The following USP12 variants were observed in gnomAD, a reference collection of about 807,000 sequenced individuals.
The protein encoded by USP12 is ubiquitin specific peptidase 12.
A neutral mutation model predicts 45.5 loss-of-function variants in USP12; 19 were observed. The ratio of observed to expected loss-of-function variants is 0.42; its 90% CI spans 0.29 to 0.61. USP12 has a LOEUF of 0.61. USP12 is among the 20% of genes least tolerant of loss of function. USP12 has a pLI of 0.22. For synonymous variants in USP12, 149 were observed against 148.8 expected, an observed-to-expected ratio of 1.00 and a Z score of -0.01; for missense variants, 242 against 447.7, an observed-to-expected ratio of 0.54 and a Z score of 4.15.
chr13:27,105,978 A>T, intron 2 of USP12, 34 bp from the exon 3 acceptor site: 1 of 1,550,870 alleles, frequency 6.4e-7, no homozygotes, highest in Non-Finnish European at 8.7e-7. Context: ...TGTTAAATTT[A>T]GGGCAACACA....
At chr13:27,149,972 C>T (rs1219100158) in intron 1 of USP12, among the ~76,000 whole-genome samples, 2 of 152,254 alleles carry the variant, frequency 1.3e-5, no homozygotes, top group East Asian at 1.9e-4. Context: ...TTCTGCTGTA[C>T]AGCCCGGTTC....
Position 27,129,478 on chromosome 13 carries a change from C to T in USP12, c.49-12882G>A, listed in dbSNP as rs1404201470. ...GTGGTTCATGCCCATAATACCAGCA[C>T]TTTGGGAAGTCAGAGCAGGAGGACT... On this transcript the variant is annotated intron_variant, in intron 1 of 8. Transcript: ENST00000282344. This position sits in a 1 kb window ranked among gnomAD's most constrained non-coding sequence, Gnocchi z 4.0. 3.3e-5 allele frequency among the ~76,000 whole-genome samples: 5 copies of T among 152,154 alleles called. No homozygotes were observed. The highest frequency in any genetic ancestry group is 3.3e-4 in the Admixed American group (5 of 15,284).
rs546232427 is a variant in USP12, at chr13:27,078,803, C to CA, written c.735-3416dup. Reference sequence around the variant, plus strand: ...ATCTTTAACAGACTTCTCTCACTAACAAAAAAAATCAGTAAGGATAGGAAA... The same window carrying CA: ...ATCTTTAACAGACTTCTCTCACTAACAAAAAAAAATCAGTAAGGATAGGAAA... On this transcript the variant is annotated intron_variant, in intron 6 of 8. Coordinates refer to ENST00000282344, the MANE Select transcript of USP12 (RefSeq NM_182488.4). 6.6e-5 allele frequency among the ~76,000 whole-genome samples: 10 copies of CA among 151,806 alleles called. No individual in the cohort carries two copies. In the East Asian group the frequency reaches 9.7e-4, roughly 15 times the overall value.
chr13:27,151,567 G>T (rs1033126867), intron 1 of USP12, among the ~76,000 whole-genome samples: 1 of 151,962 alleles, frequency 6.6e-6, no homozygotes, highest in Non-Finnish European at 1.5e-5. Flanking sequence ...GGATCCCGAG[G>T]GCCAGGAGTT....
intron 1 of USP12, among the ~76,000 whole-genome samples, chr13:27,120,357 T>A (rs962128254): frequency 3.2e-4 from 49 of 152,280 alleles, no homozygotes; most frequent in African/African-American, 1.2e-3. Flanking sequence ...GATGGTGAGT[T>A]AAGTTCTGCT....
At chr13:27,069,603 G>A (rs1873146062) in intron 8 of USP12, among the ~76,000 whole-genome samples, 1 of 152,114 alleles carries the variant, frequency 6.6e-6, no homozygotes, top group South Asian at 2.1e-4. Context: ...CTACTTCTAG[G>A]TACAGGATGA....
At chr13:27,152,154 CAT>C (rs1260086604) in intron 1 of USP12, among the ~76,000 whole-genome samples, 1 of 152,182 alleles carries the variant, frequency 6.6e-6, no homozygotes, top group South Asian at 2.1e-4. Flanking sequence ...GAAAACAAAA[CAT>C]ATGTCCATAA....
At chr13:27,070,910 G>A (rs939580224) in intron 8 of USP12, among the ~76,000 whole-genome samples, 161 bp downstream of exon 8, 4 of 152,174 alleles carry the variant, frequency 2.6e-5, no homozygotes, top group South Asian at 2.1e-4. Context: ...GCTGGGCTTG[G>A]ACGTTGCAGA....
chr13:27,085,303 CCA>C (rs1014115800), intron 6 of USP12, among the ~76,000 whole-genome samples: 3 of 152,008 alleles, frequency 2.0e-5, no homozygotes, highest in African/African-American at 7.2e-5. Context: ...GCCTTAGCCT[CCA>C]GAGTAGCTGG....
chr13:27,105,780 A>C lies in USP12; in HGVS notation c.294T>G (p.Val98=), dbSNP rs1445161127. The change falls in exon 3 of 9, where the codon GTT becomes GTG. Residue 98 remains valine, a synonymous_variant. Coordinates refer to ENST00000282344, the MANE Select transcript of USP12 (RefSeq NM_182488.4). ...FHSIATQKKK[V]GVIPPKKFIT... is the part of the protein sequence containing the mutation. ...TGAACTTCTTAGGGGGTATTACTCC[A>C]ACCTTTTTCTTCTGAGTGGCTATGC... is the stretch of plus-strand genomic sequence containing the variant. 3 of 1,613,840 alleles carry C rather than the reference A, an allele frequency of 1.9e-6. No homozygotes were observed. Among genetic ancestry groups the C allele is most frequent in the Non-Finnish European group, 2.5e-6 (3 of 1,179,792 alleles).
At chr13:27,150,475 C>T (rs920366310) in intron 1 of USP12, among the ~76,000 whole-genome samples, 1 of 152,156 alleles carries the variant, frequency 6.6e-6, no homozygotes, top group Non-Finnish European at 1.5e-5. Flanking sequence ...ATACCATGTT[C>T]ACAGACTGGA....
At chr13:27,110,127 T>TTTAAAAAA (rs9319342) in intron 2 of USP12, among the ~76,000 whole-genome samples, 1 of 119,620 alleles carries the variant, frequency 8.4e-6, no homozygotes, top group Non-Finnish European at 1.7e-5. Context: ...CTTTTCCAGG[T>TTTAAAAAA]AAAAAAAAAA....
chr13:27,168,104 G>T lies in USP12; in HGVS notation c.48+3488C>A, dbSNP rs541092450. On this transcript the variant is annotated intron_variant, in intron 1 of 8. Transcript: ENST00000282344. ...AGGCTTTCTCAGAAGAAAAGCCCGT[G>T]GGACTCTCCTAGCACCTACCTTTAC... 4.9e-4 allele frequency among the ~76,000 whole-genome samples: 75 copies of T among 152,286 alleles called. 1 individual carries two copies. Among genetic ancestry groups the T allele is most frequent in the South Asian group, 3.9e-3 (19 of 4,820 alleles).
intron 6 of USP12, among the ~76,000 whole-genome samples, chr13:27,088,287 G>A (rs1406255192): frequency 6.6e-6 from 1 of 151,984 alleles, no homozygotes; most frequent in Non-Finnish European, 1.5e-5. Context: ...GTGGTGGCGG[G>A]CGCCTGTAGT....
intron 1 of USP12, among the ~76,000 whole-genome samples, chr13:27,163,853 C>A (rs1317029543): frequency 1.3e-5 from 2 of 151,630 alleles, no homozygotes; most frequent in Non-Finnish European, 2.9e-5. Context: ...AAGGGACTGG[C>A]TAAGGGTCTC....
chr13:27,082,787 G>T (rs61393785), intron 6 of USP12, among the ~76,000 whole-genome samples: 4,575 of 152,224 alleles, frequency 0.03, 108 homozygotes, highest in African/African-American at 0.063. Flanking sequence ...GGTAGGAGGG[G>T]GAAAACGTCA....
At chr13:27,149,816 G>A (rs888036267) in intron 1 of USP12, among the ~76,000 whole-genome samples, 1 of 152,200 alleles carries the variant, frequency 6.6e-6, no homozygotes, top group Admixed American at 6.5e-5. Context: ...AGATCACCAG[G>A]CATTAGATTC....
At chr13:27,149,622 T>A (rs1877480655) in intron 1 of USP12, among the ~76,000 whole-genome samples, 1 of 152,036 alleles carries the variant, frequency 6.6e-6, no homozygotes. Context: ...AGGCTGCAGA[T>A]GTGGGGGGTG....
chr13:27,094,867 G>A (rs1874496409), intron 4 of USP12, among the ~76,000 whole-genome samples: 1 of 152,114 alleles, frequency 6.6e-6, no homozygotes, highest in African/African-American at 2.4e-5. Flanking sequence ...AACATGACTG[G>A]CCGGGCATAA....
Sources: allele counts gnomAD v4.1 joint callset (sites outside exome capture counted in the v4.1 genomes callset), GRCh38; gene constraint gnomAD v4.1.1; non-coding constraint Gnocchi (gnomAD v3.1); transcripts MANE v1.5; gene names NCBI Gene and HGNC (gene_info 2026-07-23, HGNC 2026-07-21).